Variants in CSF3R observed in about 807,000 individuals in gnomAD.
CSF3R encodes colony stimulating factor 3 receptor, also known as granulocyte colony-stimulating factor receptor.
Under a neutral mutation model 84.4 loss-of-function variants are expected in CSF3R, and 52 were observed. That is an observed-to-expected ratio of 0.62 (90% CI 0.49 to 0.78). CSF3R has a LOEUF of 0.78. Ranked by LOEUF, CSF3R falls within the 30% of genes least tolerant of loss-of-function variation. The pLI is 0.00. For missense variants in CSF3R, 890 were observed against 1,055.7 expected (o/e 0.84, Z 2.17); for synonymous variants, 384 against 429.1 (o/e 0.89, Z 1.30).
In CSF3R at chr1:36,466,384, A is replaced by C. The variant is rs149680734; in HGVS notation, c.2484T>G (p.His828Gln). Residue 828 changes from histidine (H) to glutamine (Q), a missense_variant, in exon 17 of 17, where the codon CAT becomes CAG. Coordinates refer to ENST00000373106, the MANE Select transcript of CSF3R (RefSeq NM_000760.4). This position sits in a 1 kb window ranked among gnomAD's most constrained non-coding sequence, Gnocchi z 4.6. The part of the protein sequence containing the change: ...NFPLLQGIRV[H>Q]GMEALGSF Reference sequence around the variant, plus strand: ...AGAAGCTCCCCAGCGCCTCCATCCCATGGACCCGGATCCCCTGCAGGAGGG... The same window carrying C: ...AGAAGCTCCCCAGCGCCTCCATCCCCTGGACCCGGATCCCCTGCAGGAGGG... 2.5e-6 allele frequency: 4 copies of C among 1,613,200 alleles called. No homozygotes were observed. Among genetic ancestry groups the C allele is most frequent in the Non-Finnish European group, 3.4e-6 (4 of 1,179,994 alleles).
intron 10 of CSF3R, among the ~76,000 whole-genome samples, chr1:36,471,192 C>G (rs1315209809): frequency 1.3e-5 from 2 of 152,068 alleles, no homozygotes; most frequent in East Asian, 3.9e-4. Flanking sequence ...ATTACAGGTG[C>G]CCGCCACTAT....
chr1:36,481,288 G>A (rs1234582897), intron 2 of CSF3R, among the ~76,000 whole-genome samples, 190 bp downstream of exon 2: 1 of 152,224 alleles, frequency 6.6e-6, no homozygotes, highest in Non-Finnish European at 1.5e-5. Flanking sequence ...TCCCCTGGGT[G>A]CTGGGTGTTG....
chr1:36,469,082 G>T, intron 12 of CSF3R, 74 bp downstream of exon 12: 1 of 1,098,034 alleles, frequency 9.1e-7, no homozygotes, highest in Non-Finnish European at 1.4e-6. Context: ...CTATACTTCT[G>T]ATTGCTGGGG....
chr1:36,467,864 C>T lies in CSF3R; in HGVS notation c.1822G>A (p.Ala608Thr). 1 of 1,614,246 alleles carries T rather than the reference C, an allele frequency of 6.2e-7. No individual in the cohort carries two copies. The highest frequency in any genetic ancestry group is 8.5e-7 in the Non-Finnish European group (1 of 1,180,050). Residue 608 changes from alanine to threonine, a missense_variant, in exon 14 of 17, where the codon GCC becomes ACC. By Grantham distance (58) the Ala-to-Thr change is moderately conservative (BLOSUM62 0). Coordinates refer to ENST00000373106, the MANE Select transcript of CSF3R (RefSeq NM_000760.4). This position sits in a 1 kb window ranked among gnomAD's most constrained non-coding sequence, Gnocchi z 4.1. ...AGGGTGAGGACTGTACTGTTGGTGGCCCCAGCCTGGCTGGCAGCCATGAGG... is the reference window on the plus strand; with the variant it reads ...AGGGTGAGGACTGTACTGTTGGTGGTCCCAGCCTGGCTGGCAGCCATGAGG... Reference protein sequence around the residue: ...IHLMAASQAGATNSTVLTLMT... With the variant: ...IHLMAASQAGTTNSTVLTLMT...
In CSF3R at chr1:36,472,822, A is replaced by C; in HGVS notation, c.674-136T>G. 1.9e-6 allele frequency: 2 copies of C among 1,074,068 alleles called. No homozygotes were observed. The highest frequency in any genetic ancestry group is 2.6e-6 in the Non-Finnish European group (2 of 768,184). The allele number at this position is 1,074,068 out of a possible 1,614,324, so 66.5% of individuals were successfully genotyped here. A position where few individuals can be genotyped will look rare whatever the true frequency, so the allele number is the denominator to read the frequency against. On this transcript the variant is annotated intron_variant, in intron 6 of 16. Transcript: ENST00000373106. This position sits in a 1 kb window ranked among gnomAD's most constrained non-coding sequence, Gnocchi z 5.0. ...GACACGTTTCTGTGGTTCGATCTCT[A>C]TGTGTCTTTGTTTCTCTCTAGGTCT...
intron 4 of CSF3R, 57 bp from the exon 5 acceptor site, chr1:36,473,944 C>G: frequency 6.2e-7 from 1 of 1,611,946 alleles, no homozygotes; most frequent in South Asian, 1.1e-5. Flanking sequence ...AGAAAGCTTC[C>G]TCTGGGACCA....
intron 2 of CSF3R, among the ~76,000 whole-genome samples, chr1:36,480,564 G>C (rs1444369906): frequency 6.6e-6 from 1 of 152,198 alleles, no homozygotes; most frequent in African/African-American, 2.4e-5. Flanking sequence ...GCCAACACCT[G>C]ATCCTCCAGC....
rs535777075 is a variant in CSF3R, at chr1:36,477,835, T to G, written c.64+1598A>C. ...GTGCAGTGGCGTGATCTCGGCTTAC[T>G]GCAAGCGCCGCCTGCTGGGCTCACG... On this transcript the variant is annotated intron_variant, in intron 3 of 16. Transcript: ENST00000373106. 2.0e-3 allele frequency among the ~76,000 whole-genome samples: 301 copies of G among 152,062 alleles called. 2 individuals carry two copies. The highest frequency in any genetic ancestry group is 6.4e-3 in the African/African-American group (266 of 41,476).
chr1:36,482,423 G>A (rs1385914237), intron 1 of CSF3R, among the ~76,000 whole-genome samples: 1 of 152,074 alleles, frequency 6.6e-6, no homozygotes. Context: ...GCAAGCCAGA[G>A]AGAAGCTGAG....
rs1651353599 is a variant in CSF3R at position 36,478,996 on chromosome 1, C to T, written c.64+437G>A. The stretch of plus-strand genomic sequence containing the variant: ...CAATCCTGGCTTTAGCTTGCATACC[C>T]CTGGGGATGGGAAGTTCTCTACCTC... On this transcript the variant is annotated intron_variant, in intron 3 of 16. Coordinates refer to ENST00000373106, the MANE Select transcript of CSF3R (RefSeq NM_000760.4). 3.8e-5 allele frequency: 12 copies of T among 315,056 alleles called. 1 individual carries two copies. The highest frequency in any genetic ancestry group is 2.8e-4 in the South Asian group (10 of 35,216). 19.5% of individuals were successfully genotyped at this position (315,056 alleles called of 1,614,324 possible).
intron 12 of CSF3R, 179 bp downstream of exon 12, chr1:36,468,977 C>A: frequency 3.3e-6 from 2 of 614,970 alleles, no homozygotes; most frequent in Non-Finnish European, 5.9e-6. Context: ...TATCCCAGCA[C>A]CTGATTTCTG....
Position 36,467,675 on chromosome 1 carries a change from G to T in CSF3R, c.1865-24C>A, listed in dbSNP as rs1332289537. On this transcript the variant is annotated intron_variant, in intron 14 of 16. Coordinates refer to ENST00000373106, the MANE Select transcript of CSF3R (RefSeq NM_000760.4). This position sits in a 1 kb window ranked among gnomAD's most constrained non-coding sequence, Gnocchi z 4.1. The stretch of plus-strand genomic sequence containing the variant: ...CTCTGCAGTGAGGGCAGGGCCGGAA[G>T]AAGTTAGAATGCATGTTGGGAAGGC... 1 of 1,613,770 alleles carries T rather than the reference G, an allele frequency of 6.2e-7. No individual in the cohort carries two copies. The highest frequency in any genetic ancestry group is 8.5e-7 in the Non-Finnish European group (1 of 1,179,630).
At chr1:36,471,877 A>G in intron 9 of CSF3R, 189 bp downstream of exon 9, 1 of 700,902 alleles carries the variant, frequency 1.4e-6, no homozygotes, top group Non-Finnish European at 2.4e-6. Context: ...ACTGAACCAC[A>G]CTGTGACGTG....
At chr1:36,473,155 G>C in intron 6 of CSF3R, 2 of 499,948 alleles carry the variant, frequency 4.0e-6, no homozygotes, top group Non-Finnish European at 7.1e-6. Context: ...TGTATCCCCA[G>C]TACCTAGAGC....
chr1:36,475,763 C>A (rs1053729583), intron 3 of CSF3R, 90 bp from the exon 4 acceptor site: 3 of 1,283,384 alleles, frequency 2.3e-6, no homozygotes, highest in Admixed American at 2.6e-5. Context: ...GACTCAGAGG[C>A]CTCACCTTCC....
rs1421305396 is a variant in CSF3R, at chr1:36,473,614, C to T, written c.494G>A (p.Gly165Asp). ...GGAGTCCCCTTGGGTCTGACAGTTG[C>T]CCCGGCTCCTGCCAATAGTCCAGGC... ...SFTLKSFKSR[G>D]NCQTQGDSIL... The change falls in exon 6 of 17, where the codon GGC (glycine) becomes GAC (aspartate). Residue 165 changes from glycine (G) to aspartate (D), a missense_variant. Transcript: ENST00000373106. 11 of 1,613,872 alleles carry T rather than the reference C, an allele frequency of 6.8e-6. No homozygotes were observed. The South Asian group carries it at 9.9e-5, about 14-fold the overall frequency.
intron 3 of CSF3R, chr1:36,477,098 C>G (rs1651202346): frequency 6.6e-6 from 1 of 152,098 alleles, no homozygotes; most frequent in Non-Finnish European, 1.5e-5. Context: ...CCTGTACTTC[C>G]TCAAAGCTCT....
At chr1:36,479,023 C>A (rs1279663076) in intron 3 of CSF3R, 3 of 339,110 alleles carry the variant, frequency 8.8e-6, no homozygotes, top group African/African-American at 2.1e-5. Context: ...CTCTACCTCT[C>A]AAGACAGAGT....
intron 4 of CSF3R, 128 bp downstream of exon 4, chr1:36,475,249 C>G: frequency 8.6e-7 from 1 of 1,158,146 alleles, no homozygotes; most frequent in South Asian, 1.2e-5. Flanking sequence ...TCAGGTGATC[C>G]GCCTGCCTCG....
Sources: allele counts gnomAD v4.1 joint callset (sites outside exome capture counted in the v4.1 genomes callset), GRCh38; gene constraint gnomAD v4.1.1; non-coding constraint Gnocchi (gnomAD v3.1); transcripts MANE v1.5; gene names NCBI Gene and HGNC (gene_info 2026-07-23, HGNC 2026-07-21).